The following NPPC variants were observed in gnomAD, a reference collection of about 807,000 sequenced individuals.
NPPC encodes C-type natriuretic peptide.
NPPC carries 4 observed loss-of-function variants against 10.2 expected under a neutral mutation model. That is an observed-to-expected ratio of 0.39 (90% CI 0.19 to 0.90). The LOEUF (loss-of-function observed/expected upper bound fraction) is 0.90. NPPC is among the 40% of genes least tolerant of loss of function. The pLI is 0.37. For missense variants in NPPC, 182 were observed against 173.8 expected, an observed-to-expected ratio of 1.05 and a Z score of -0.26; for synonymous variants, 83 against 87.3, an observed-to-expected ratio of 0.95 and a Z score of 0.27.
In NPPC at chr2:231,926,177, G is replaced by A; in HGVS notation, c.73C>T (p.Pro25Ser). Residue 25 changes from proline (P) to serine (S), a missense_variant, in exon 1 of 3, where the codon CCC (proline) becomes TCC (serine). By Grantham distance (74) the Pro-to-Ser change is moderately conservative (BLOSUM62 -1). Coordinates refer to ENST00000409852, the MANE Select transcript of NPPC (RefSeq NM_024409.4). Reference protein sequence around the residue: ...LLSLRPSEAKPGAPPKVPRTP... With the variant: ...LLSLRPSEAKSGAPPKVPRTP... ...GCACCCACCTTCGGCGGCGCCCCGG[G>A]CTTGGCTTCGGAGGGCCGGAGGGAG... 2 of 1,307,772 alleles carry A rather than the reference G, an allele frequency of 1.5e-6. No individual in the cohort carries two copies. Among genetic ancestry groups the A allele is most frequent in the Non-Finnish European group, 1.9e-6 (2 of 1,027,212 alleles). 81.0% of individuals were successfully genotyped at this position (1,307,772 alleles called of 1,614,324 possible).
At chr2:231,925,761 C>G (rs755935329) in intron 1 of NPPC, 46 bp from the exon 2 acceptor site, 2 of 1,471,162 alleles carry the variant, frequency 1.4e-6, no homozygotes, top group East Asian at 2.5e-5. Context: ...GCGGCTGCAG[C>G]ACGGGGGACT....
chr2:231,926,139 C>T, intron 1 of NPPC, 21 bp downstream of exon 1: 2 of 1,274,168 alleles, frequency 1.6e-6, no homozygotes, highest in East Asian at 3.1e-5. Context: ...CCAGGCTCGG[C>T]GTCCCCACGA....
intron 2 of NPPC, 46 bp downstream of exon 2, chr2:231,925,359 G>C (rs1429509610): frequency 1.4e-6 from 2 of 1,399,308 alleles, no homozygotes; most frequent in Non-Finnish European, 1.9e-6. Flanking sequence ...GGCGGCGGGC[G>C]GTCCCGGGCC....
At chr2:231,923,029 T>C (rs543679397) in intron 2 of NPPC, among the ~76,000 whole-genome samples, 1 of 152,342 alleles carries the variant, frequency 6.6e-6, no homozygotes, top group Admixed American at 6.5e-5. Context: ...TGCACAGTCA[T>C]GGGCTCTGAG....
chr2:231,926,088 G>T, intron 1 of NPPC, 72 bp downstream of exon 1: 2 of 1,122,748 alleles, frequency 1.8e-6, no homozygotes, highest in Non-Finnish European at 2.3e-6. Flanking sequence ...CCTGGGTCCT[G>T]CGCGCCGCAT....
chr2:231,923,638 G>A (rs1045661498), intron 2 of NPPC, among the ~76,000 whole-genome samples: 6 of 152,174 alleles, frequency 3.9e-5, no homozygotes, highest in Non-Finnish European at 8.8e-5. Context: ...TGAAGGTGTC[G>A]ACGGTAAGTG....
chr2:231,925,549 G>A lies in NPPC; in HGVS notation c.257C>T (p.Ala86Val). The A allele has an allele frequency of 6.2e-7, 1 of 1,612,600 alleles. No homozygotes were observed. Among genetic ancestry groups the A allele is most frequent in the Non-Finnish European group, 8.5e-7 (1 of 1,179,648 alleles). Residue 86 changes from alanine to valine, a missense_variant, in exon 2 of 3, where the codon GCT becomes GTT. Ala to Val is a moderately conservative substitution (Grantham distance 64). Coordinates refer to ENST00000409852, the MANE Select transcript of NPPC (RefSeq NM_024409.4). ...RVDTKSRAAW[A>V]RLLQEHPNAR... ...GTTGGGGTGCTCTTGCAGAAGGCGA[G>A]CCCACGCTGCCCGCGACTTGGTGTC... is the stretch of plus-strand genomic sequence containing the variant.
intron 1 of NPPC, 34 bp downstream of exon 1, chr2:231,926,126 C>T (rs1017550520): frequency 2.1e-5 from 26 of 1,262,934 alleles, no homozygotes; most frequent in Non-Finnish European, 2.5e-5. Flanking sequence ...TCCCACGCCT[C>T]TCCCAGGCTC....
chr2:231,926,080 T>C (rs1692003425), intron 1 of NPPC, 80 bp downstream of exon 1: 8 of 1,093,004 alleles, frequency 7.3e-6, no homozygotes, highest in Non-Finnish European at 9.5e-6. Flanking sequence ...CCCTCTCTCC[T>C]GGGTCCTGCG....
chr2:231,925,799 G>A (rs1691998796), intron 1 of NPPC, 84 bp from the exon 2 acceptor site: 2 of 1,383,586 alleles, frequency 1.4e-6, no homozygotes, highest in Non-Finnish European at 1.9e-6. Flanking sequence ...CGCGCCCGCC[G>A]GCGCGGGGTG....
chr2:231,922,814 C>T (rs965911719), intron 2 of NPPC, among the ~76,000 whole-genome samples: 3 of 152,140 alleles, frequency 2.0e-5, no homozygotes, highest in African/African-American at 7.2e-5. Context: ...AGTGTTCACC[C>T]ATAAAATTGG....
chr2:231,926,341 T>C lies in NPPC; in HGVS notation c.-92A>G. ...GCAGGGGGATGCGGAGCAGGCTGGC[T>C]GGGCTGCAGGGCGAGCAGGGTCCCA... On this transcript the variant is annotated 5_prime_UTR_variant, in exon 1 of 3. Transcript: ENST00000409852. 2.3e-6 allele frequency: 2 copies of C among 855,236 alleles called. No individual in the cohort carries two copies. The highest frequency in any genetic ancestry group is 3.1e-6 in the Non-Finnish European group (2 of 640,912). 53.0% of individuals were successfully genotyped at this position (855,236 alleles called of 1,614,324 possible). A position where few individuals can be genotyped will look rare whatever the true frequency, so the allele number is the denominator to read the frequency against.
chr2:231,925,371 G>A, intron 2 of NPPC, 34 bp downstream of exon 2: 1 of 1,488,590 alleles, frequency 6.7e-7, no homozygotes, highest in Non-Finnish European at 8.9e-7. Flanking sequence ...TCCCGGGCCG[G>A]GCTGGGGCTG....
At chr2:231,922,492 C>T (rs992991329) in intron 2 of NPPC, among the ~76,000 whole-genome samples, 177 bp from the exon 3 acceptor site, 27 of 152,182 alleles carry the variant, frequency 1.8e-4, no homozygotes, top group African/African-American at 6.3e-4. Flanking sequence ...CCCCCCATTG[C>T]GCACTCCCCA....
chr2:231,923,945 A>G (rs1691964926), intron 2 of NPPC, among the ~76,000 whole-genome samples: 1 of 152,234 alleles, frequency 6.6e-6, no homozygotes, highest in Non-Finnish European at 1.5e-5. Flanking sequence ...TTTAGACAGG[A>G]GAGAAGAGAG....
At chr2:231,923,272 G>A (rs1559474727) in intron 2 of NPPC, among the ~76,000 whole-genome samples, 1 of 152,222 alleles carries the variant, frequency 6.6e-6, no homozygotes, top group Non-Finnish European at 1.5e-5. Flanking sequence ...GTTCATTCAG[G>A]TTTCACCTAC....
chr2:231,925,344 G>T, intron 2 of NPPC, 61 bp downstream of exon 2: 2 of 1,365,198 alleles, frequency 1.5e-6, no homozygotes, highest in Non-Finnish European at 1.9e-6. Flanking sequence ...TCCGAAGGCC[G>T]GCTGGGCGGC....
chr2:231,925,209 G>A (rs1348383844), intron 2 of NPPC, among the ~76,000 whole-genome samples, 196 bp downstream of exon 2: 1 of 152,228 alleles, frequency 6.6e-6, no homozygotes, highest in Non-Finnish European at 1.5e-5. Flanking sequence ...AGGCTGAGCC[G>A]TTTCTGACCT....
intron 2 of NPPC, among the ~76,000 whole-genome samples, chr2:231,923,495 C>T (rs961970252): frequency 1.3e-5 from 2 of 152,214 alleles, no homozygotes; most frequent in African/African-American, 4.8e-5. Context: ...GAATGATGTT[C>T]TGCTCTCTCA....
Sources: gnomAD v4.1 joint callset for allele counts (sites outside exome capture counted in the v4.1 genomes callset) on GRCh38, gnomAD v4.1.1 for gene constraint, MANE v1.5 for transcripts, NCBI Gene and HGNC (gene_info 2026-07-23, HGNC 2026-07-21) for gene names.